CNTN4: variants seen among roughly 807,000 people sequenced by gnomAD.
CNTN4 encodes contactin-4.
A neutral mutation model predicts 122.5 loss-of-function variants in CNTN4; 77 were observed. The observed-to-expected ratio is 0.63, with a 90% CI of 0.52 to 0.76. The LOEUF is 0.76. Ranked by LOEUF, CNTN4 falls within the 30% of genes least tolerant of loss-of-function variation. The pLI is 0.00. For missense variants in CNTN4, 1,256 were observed against 1,259.1 expected (o/e 1.00, Z 0.04); for synonymous variants, 512 against 447.0 (o/e 1.15, Z -1.83).
chr3:3,033,914 A>T (rs1699386112), intron 16 of CNTN4, among the ~76,000 whole-genome samples: 1 of 152,222 alleles, frequency 6.6e-6, no homozygotes, highest in African/African-American at 2.4e-5. Flanking sequence ...AGAGAAGTAG[A>T]AAAATACGGG....
At chr3:2,946,599 A>T (rs1386048569) in intron 13 of CNTN4, among the ~76,000 whole-genome samples, 1 of 152,132 alleles carries the variant, frequency 6.6e-6, no homozygotes. Context: ...AATTTTTTAA[A>T]ATTAAGTTCC....
chr3:2,672,855 C>A (rs886860665), intron 4 of CNTN4, among the ~76,000 whole-genome samples: 3 of 152,258 alleles, frequency 2.0e-5, no homozygotes, highest in Non-Finnish European at 4.4e-5. Context: ...TTTCTATGAA[C>A]CATCCAGCTA....
intron 2 of CNTN4, among the ~76,000 whole-genome samples, chr3:2,311,811 A>C (rs2042925305): frequency 6.6e-6 from 1 of 152,130 alleles, no homozygotes; most frequent in Non-Finnish European, 1.5e-5. Context: ...AAATGGTTGA[A>C]TAGAAACATG....
chr3:2,894,970 G>C (rs1292877623), intron 10 of CNTN4, among the ~76,000 whole-genome samples: 2 of 152,148 alleles, frequency 1.3e-5, no homozygotes, highest in Non-Finnish European at 2.9e-5. Flanking sequence ...GGTAAAATCA[G>C]ATGGCAGAAG....
At chr3:2,704,969 TATTTA>T (rs1559407118) in intron 4 of CNTN4, among the ~76,000 whole-genome samples, 1 of 152,112 alleles carries the variant, frequency 6.6e-6, no homozygotes, top group Non-Finnish European at 1.5e-5. Flanking sequence ...ATTAAACATA[TATTTA>T]ATCTGAGTCC....
intron 4 of CNTN4, among the ~76,000 whole-genome samples, chr3:2,683,559 C>T (rs559109619): frequency 2.0e-5 from 3 of 151,764 alleles, no homozygotes; most frequent in Admixed American, 6.6e-5. Flanking sequence ...GAACACACTT[C>T]GAATGTTTTT....
intron 6 of CNTN4, among the ~76,000 whole-genome samples, chr3:2,802,450 G>C (rs1358721289): frequency 6.6e-6 from 1 of 152,148 alleles, no homozygotes; most frequent in Admixed American, 6.5e-5. Flanking sequence ...AATAGCCCAA[G>C]GGAATAGCAC....
chr3:2,936,149 C>T (rs1470873152), intron 13 of CNTN4, among the ~76,000 whole-genome samples: 1 of 152,172 alleles, frequency 6.6e-6, no homozygotes, highest in African/African-American at 2.4e-5. Flanking sequence ...CTCCTGTCCT[C>T]CATCGGTTGA....
intron 4 of CNTN4, among the ~76,000 whole-genome samples, chr3:2,658,845 G>C (rs529965918): frequency 3.3e-5 from 5 of 152,046 alleles, no homozygotes; most frequent in Non-Finnish European, 7.4e-5. Context: ...CTCCAATAGA[G>C]CATGTTCAAG....
chr3:2,875,654 C>T (rs1023852322), intron 8 of CNTN4, among the ~76,000 whole-genome samples: 1 of 152,072 alleles, frequency 6.6e-6, no homozygotes, highest in Non-Finnish European at 1.5e-5. Context: ...TGGCCTTTTA[C>T]AGAAAAAACT....
At chr3:2,804,882 G>A (rs2092428640) in intron 6 of CNTN4, among the ~76,000 whole-genome samples, 1 of 152,134 alleles carries the variant, frequency 6.6e-6, no homozygotes, top group Admixed American at 6.5e-5. Context: ...ACACTGAAAA[G>A]TGTCTTTATC....
intron 4 of CNTN4, among the ~76,000 whole-genome samples, chr3:2,732,687 C>T (rs896904300): frequency 3.9e-5 from 6 of 152,078 alleles, no homozygotes; most frequent in African/African-American, 2.4e-5. Flanking sequence ...TTTGTCTCAC[C>T]CAGGCACCTC....
chr3:2,936,761 C>A (rs2094570509), intron 13 of CNTN4, among the ~76,000 whole-genome samples: 1 of 152,162 alleles, frequency 6.6e-6, no homozygotes, highest in South Asian at 2.1e-4. Flanking sequence ...GTACAGTTGG[C>A]AAGCTGAGAA....
At chr3:2,799,671 C>T (rs1408634817) in intron 6 of CNTN4, among the ~76,000 whole-genome samples, 1 of 152,134 alleles carries the variant, frequency 6.6e-6, no homozygotes, top group Non-Finnish European at 1.5e-5. Flanking sequence ...GCCACGTTTG[C>T]CAGGCTGGCC....
At chr3:2,123,616 C>A (rs959092775) in intron 2 of CNTN4, among the ~76,000 whole-genome samples, 1 of 152,214 alleles carries the variant, frequency 6.6e-6, no homozygotes, top group African/African-American at 2.4e-5. Context: ...GAACTGACAT[C>A]TCGCAAGATT....
At chr3:2,552,069 T>A (rs1000711803) in intron 3 of CNTN4, among the ~76,000 whole-genome samples, 1 of 152,172 alleles carries the variant, frequency 6.6e-6, no homozygotes, top group Non-Finnish European at 1.5e-5. Context: ...TTTCTCAATA[T>A]ATAAAGTGAG....
chr3:2,502,668 C>T (rs2076627849), intron 3 of CNTN4, among the ~76,000 whole-genome samples: 1 of 152,116 alleles, frequency 6.6e-6, no homozygotes, highest in African/African-American at 2.4e-5. Context: ...ATTTTCGTGG[C>T]TGTAAAGAGA....
chr3:3,019,466 AT>A (rs550484479), intron 14 of CNTN4, among the ~76,000 whole-genome samples: 361 of 151,094 alleles, frequency 2.4e-3, no homozygotes, highest in African/African-American at 7.6e-3. Flanking sequence ...TAGTTTTTGT[AT>A]TTTTTTTAGT....
intron 6 of CNTN4, among the ~76,000 whole-genome samples, chr3:2,792,885 C>T (rs1029766288): frequency 6.6e-6 from 1 of 151,998 alleles, no homozygotes; most frequent in Non-Finnish European, 1.5e-5. Flanking sequence ...TCTCAAATAC[C>T]AGTATTTATG....
Sources: allele counts gnomAD v4.1 joint callset (sites outside exome capture counted in the v4.1 genomes callset), GRCh38; gene constraint gnomAD v4.1.1; transcripts MANE v1.5; gene names NCBI Gene and HGNC (gene_info 2026-07-23, HGNC 2026-07-21).